Variants in IL1RAPL2 observed in about 807,000 individuals in gnomAD.
IL1RAPL2 encodes X-linked interleukin-1 receptor accessory protein-like 2.
In IL1RAPL2, 3 loss-of-function variants were observed where a neutral mutation model predicts 44.1. The observed-to-expected ratio is 0.07, with a 90% CI of 0.03 to 0.18. IL1RAPL2 has a LOEUF of 0.18. Ranked by LOEUF, IL1RAPL2 falls within the 10% of genes least tolerant of loss-of-function variation. IL1RAPL2 has a pLI of 1.00. For synonymous variants in IL1RAPL2, 181 were observed against 178.8 expected, an observed-to-expected ratio of 1.01 and a Z score of -0.10; for missense variants, 391 against 496.4, an observed-to-expected ratio of 0.79 and a Z score of 2.02.
Position 104,667,848 on chromosome X carries a change from A to G in IL1RAPL2, c.82+8853A>G, listed in dbSNP as rs145924110. Among the ~76,000 whole-genome samples, 667 of 111,618 alleles carry G rather than the reference A, an allele frequency of 6.0e-3. 34 individuals are homozygous for G. The East Asian group carries it at 0.15, about 25-fold the overall frequency. The stretch of plus-strand genomic sequence containing the variant: ...ATTTACAACTCTTATAAAAGGCATA[A>G]TATAATAAGAGTCATATAAGAGGCA... On this transcript the variant is annotated intron_variant, in intron 2 of 10. Coordinates refer to ENST00000372582, the MANE Select transcript of IL1RAPL2 (RefSeq NM_017416.2).
intron 2 of IL1RAPL2, among the ~76,000 whole-genome samples, chrX:105,105,407 C>A (rs998213297): frequency 9.0e-6 from 1 of 111,725 alleles, no homozygotes; most frequent in Non-Finnish European, 1.9e-5. Context: ...GGGTGACAGT[C>A]CACAACTAAT....
chrX:105,616,830 C>T (rs997691774), intron 6 of IL1RAPL2, among the ~76,000 whole-genome samples: 2 of 109,965 alleles, frequency 1.8e-5, no homozygotes, highest in Non-Finnish European at 3.8e-5. Flanking sequence ...TTTTTTGGCT[C>T]TAAGAAATTA....
At chrX:105,447,654 T>A (rs1293534812) in intron 5 of IL1RAPL2, among the ~76,000 whole-genome samples, 1 of 74,289 alleles carries the variant, frequency 1.3e-5, no homozygotes, top group South Asian at 7.4e-4. Context: ...AATATAAATA[T>A]AAATAAATAT....
At chrX:105,599,296 C>T (rs2037233940) in intron 6 of IL1RAPL2, among the ~76,000 whole-genome samples, 1 of 111,884 alleles carries the variant, frequency 8.9e-6, no homozygotes, top group South Asian at 3.7e-4. Context: ...AGCATATTAT[C>T]ATTGGGAGTA....
At chrX:104,637,802 C>G (rs143161551) in intron 1 of IL1RAPL2, among the ~76,000 whole-genome samples, 2,689 of 88,492 alleles carry the variant, frequency 0.03, 82 homozygotes, top group African/African-American at 0.097. Flanking sequence ...GTGTGTGTGT[C>G]TGTGTGTGTG....
chrX:105,324,072 G>A (rs866386134), intron 5 of IL1RAPL2, among the ~76,000 whole-genome samples: 7 of 111,775 alleles, frequency 6.3e-5, no homozygotes, highest in South Asian at 3.7e-4. Context: ...AGATTGTAAC[G>A]TGATACAAAG....
intron 2 of IL1RAPL2, among the ~76,000 whole-genome samples, chrX:105,117,484 G>A (rs1297301680): frequency 9.0e-6 from 1 of 111,724 alleles, no homozygotes; most frequent in Non-Finnish European, 1.9e-5. Context: ...TGTCCTTGAA[G>A]CTGTGTCCCC....
chrX:104,916,342 G>A, intron 2 of IL1RAPL2, among the ~76,000 whole-genome samples: 1 of 111,560 alleles, frequency 9.0e-6, no homozygotes, highest in South Asian at 3.8e-4. Flanking sequence ...TTGTGAATGG[G>A]AGTTCACTCA....
intron 2 of IL1RAPL2, among the ~76,000 whole-genome samples, chrX:104,850,933 G>A (rs147979356): frequency 3.6e-5 from 4 of 111,216 alleles, no homozygotes; most frequent in Non-Finnish European, 7.5e-5. Context: ...GTTGAAAAAT[G>A]TGTATGAGAA....
intron 7 of IL1RAPL2, among the ~76,000 whole-genome samples, chrX:105,721,018 G>C (rs750729890): frequency 1.4e-4 from 15 of 110,985 alleles, no homozygotes; most frequent in Admixed American, 3.8e-4. Context: ...GGTCATAGCA[G>C]CTTTCTTCAT....
At chrX:105,066,370 C>T (rs1714081621) in intron 2 of IL1RAPL2, among the ~76,000 whole-genome samples, 2 of 111,421 alleles carry the variant, frequency 1.8e-5, no homozygotes, top group Admixed American at 1.9e-4. Context: ...TGAAACAAAA[C>T]CTACTACAGT....
intron 1 of IL1RAPL2, chrX:104,647,614 C>T (rs1241165860): frequency 4.9e-5 from 26 of 527,998 alleles, no homozygotes; most frequent in Non-Finnish European, 7.6e-5. Context: ...GAGACACCAC[C>T]GACTTGAGGA....
rs1045889786 is a variant in IL1RAPL2, at chrX:105,446,701, T to C, written c.698-37612T>C. Reference sequence around the variant, plus strand: ...GAAAATTAATAAGAAATCCACACTTTAACTTTGTCTCTCCATTGTTTCTCT... The same window carrying C: ...GAAAATTAATAAGAAATCCACACTTCAACTTTGTCTCTCCATTGTTTCTCT... On this transcript the variant is annotated intron_variant, in intron 5 of 10. Transcript: ENST00000372582. 2.7e-5 allele frequency among the ~76,000 whole-genome samples: 3 copies of C among 110,508 alleles called. No homozygotes were observed. In the East Asian group the frequency reaches 8.5e-4, roughly 31 times the overall value.
intron 6 of IL1RAPL2, among the ~76,000 whole-genome samples, chrX:105,560,592 G>A (rs932328029): frequency 9.1e-6 from 1 of 109,756 alleles, no homozygotes; most frequent in Non-Finnish European, 1.9e-5. Flanking sequence ...CTAACTTTTT[G>A]TATTTCTAGT....
intron 2 of IL1RAPL2, among the ~76,000 whole-genome samples, chrX:104,948,916 G>T (rs370071138): frequency 9.1e-6 from 1 of 109,911 alleles, no homozygotes; most frequent in Non-Finnish European, 1.9e-5. Context: ...TTGGTATCAG[G>T]ATGATGCTGG....
At chrX:105,209,748 A>G (rs952258715) in intron 3 of IL1RAPL2, among the ~76,000 whole-genome samples, 1 of 112,323 alleles carries the variant, frequency 8.9e-6, no homozygotes, top group Non-Finnish European at 1.9e-5. Context: ...GGCATAACAC[A>G]GGAAATCATG....
chrX:105,632,379 A>C (rs2037497515), intron 6 of IL1RAPL2, among the ~76,000 whole-genome samples: 2 of 111,874 alleles, frequency 1.8e-5, no homozygotes, highest in Non-Finnish European at 3.8e-5. Flanking sequence ...TGACATTGAC[A>C]TGGGGACTCA....
intron 2 of IL1RAPL2, among the ~76,000 whole-genome samples, chrX:104,677,643 C>G (rs1286341438): frequency 8.9e-6 from 1 of 112,772 alleles, no homozygotes; most frequent in Non-Finnish European, 1.9e-5. Flanking sequence ...AGCTTCATGG[C>G]TGCTTTGTTT....
At chrX:104,858,234 C>T (rs1602763230) in intron 2 of IL1RAPL2, among the ~76,000 whole-genome samples, 1 of 110,909 alleles carries the variant, frequency 9.0e-6, no homozygotes, top group East Asian at 2.8e-4. Flanking sequence ...TTCTTGGTAC[C>T]CTAATATTTA....
Sources: gnomAD v4.1 joint callset for allele counts (sites outside exome capture counted in the v4.1 genomes callset) on GRCh38, gnomAD v4.1.1 for gene constraint, MANE v1.5 for transcripts, NCBI Gene and HGNC (gene_info 2026-07-23, HGNC 2026-07-21) for gene names.